KIAA1328: variants seen among roughly 807,000 people sequenced by gnomAD.
The protein encoded by KIAA1328 is protein hinderin.
KIAA1328 carries 52 observed loss-of-function variants against 68.1 expected under a neutral mutation model. The ratio of observed to expected loss-of-function variants is 0.76; its 90% CI spans 0.61 to 0.96. The LOEUF is 0.96. KIAA1328 is among the 40% of genes least tolerant of loss of function. KIAA1328 has a pLI of 0.00. For missense variants in KIAA1328, 641 were observed against 677.6 expected, an observed-to-expected ratio of 0.95 and a Z score of 0.60; for synonymous variants, 232 against 239.4, an observed-to-expected ratio of 0.97 and a Z score of 0.28.
chr18:37,020,730 T>G (rs1217970692), intron 6 of KIAA1328, among the ~76,000 whole-genome samples: 2 of 152,204 alleles, frequency 1.3e-5, no homozygotes, highest in Admixed American at 1.3e-4. Flanking sequence ...GATCACCTTT[T>G]AAAGGAATGG....
chr18:37,181,130 A>G (rs1419054750), intron 9 of KIAA1328, among the ~76,000 whole-genome samples: 1 of 152,174 alleles, frequency 6.6e-6, no homozygotes, highest in African/African-American at 2.4e-5. Flanking sequence ...CAGTTTATTC[A>G]CTATACACAA....
chr18:37,176,052 T>C (rs919468618), intron 9 of KIAA1328, among the ~76,000 whole-genome samples: 2 of 152,236 alleles, frequency 1.3e-5, no homozygotes, highest in African/African-American at 2.4e-5. Context: ...GTCAATATTA[T>C]GTAAAATTTT....
chr18:36,874,191 G>A (rs2048043120), intron 4 of KIAA1328, among the ~76,000 whole-genome samples: 1 of 152,122 alleles, frequency 6.6e-6, no homozygotes, highest in Admixed American at 6.5e-5. Flanking sequence ...ATTATCCTTT[G>A]GGTATATACC....
At chr18:37,035,082 TGATA>T (rs1435455297) in intron 6 of KIAA1328, among the ~76,000 whole-genome samples, 1 of 152,156 alleles carries the variant, frequency 6.6e-6, no homozygotes, top group Non-Finnish European at 1.5e-5. Flanking sequence ...GGATAATTGG[TGATA>T]GATATGTAGA....
At chr18:36,933,775 G>A (rs942026428) in intron 5 of KIAA1328, among the ~76,000 whole-genome samples, 1 of 152,186 alleles carries the variant, frequency 6.6e-6, no homozygotes, top group East Asian at 1.9e-4. Flanking sequence ...TTGTACACAC[G>A]CTCCTGTGGA....
chr18:37,224,979 C>G lies in KIAA1328; in HGVS notation c.*2752C>G. On this transcript the variant is annotated 3_prime_UTR_variant, in exon 10 of 10. Coordinates refer to ENST00000280020, the MANE Select transcript of KIAA1328 (RefSeq NM_020776.3). Reference sequence around the variant, plus strand: ...AAAGCTTTTGCTAACAGTCCGCTTTCCAGGAGGCAAACTTGTGTTTATCCA... The same window carrying G: ...AAAGCTTTTGCTAACAGTCCGCTTTGCAGGAGGCAAACTTGTGTTTATCCA... 1 of 985,480 alleles carries G rather than the reference C, an allele frequency of 1.0e-6. No homozygotes were observed. The highest frequency in any genetic ancestry group is 1.1e-4 in the East Asian group (1 of 8,814). The allele number at this position is 985,480 out of a possible 1,614,324, so 61.0% of individuals were successfully genotyped here.
At chr18:37,204,031 C>A (rs1452156916) in intron 9 of KIAA1328, among the ~76,000 whole-genome samples, 1 of 152,088 alleles carries the variant, frequency 6.6e-6, no homozygotes, top group African/African-American at 2.4e-5. Flanking sequence ...AGGATAGTCT[C>A]GATCTCCTGA....
At chr18:37,127,010 A>G (rs964196512) in intron 7 of KIAA1328, among the ~76,000 whole-genome samples, 1 of 152,178 alleles carries the variant, frequency 6.6e-6, no homozygotes, top group African/African-American at 2.4e-5. Flanking sequence ...GTACCCTACT[A>G]AGACTGGAAA....
intron 7 of KIAA1328, among the ~76,000 whole-genome samples, chr18:37,088,697 A>C (rs1364261897): frequency 6.6e-6 from 1 of 152,070 alleles, no homozygotes; most frequent in Non-Finnish European, 1.5e-5. Context: ...ATATACCTAT[A>C]ATCTCATCAT....
At chr18:36,860,900 C>A (rs1195789846) in intron 4 of KIAA1328, among the ~76,000 whole-genome samples, 3 of 152,044 alleles carry the variant, frequency 2.0e-5, no homozygotes, top group East Asian at 3.9e-4. Flanking sequence ...GGAAAAAAAT[C>A]TCAATAAGCT....
intron 6 of KIAA1328, among the ~76,000 whole-genome samples, chr18:36,960,537 G>C (rs1367725344): frequency 2.0e-5 from 3 of 152,198 alleles, no homozygotes; most frequent in Admixed American, 6.5e-5. Context: ...TAGCCTGACT[G>C]GGAGACACCT....
At chr18:37,210,878 C>G (rs993612939) in intron 9 of KIAA1328, among the ~76,000 whole-genome samples, 20 of 152,074 alleles carry the variant, frequency 1.3e-4, no homozygotes, top group African/African-American at 4.8e-4. Flanking sequence ...TTCCTGATAA[C>G]AAAAGTACTG....
chr18:36,896,102 A>G (rs1197756652), intron 5 of KIAA1328, among the ~76,000 whole-genome samples: 2 of 152,108 alleles, frequency 1.3e-5, no homozygotes, highest in East Asian at 1.9e-4. Context: ...TTTTTATTCT[A>G]ATTATCAGCT....
At chr18:37,143,491 C>G (rs1323468994) in intron 7 of KIAA1328, among the ~76,000 whole-genome samples, 1 of 146,036 alleles carries the variant, frequency 6.8e-6, no homozygotes, top group African/African-American at 2.6e-5. Context: ...TTTATTGATG[C>G]CTTTCCAAGC....
At chr18:36,861,388 C>T (rs1014871127) in intron 4 of KIAA1328, among the ~76,000 whole-genome samples, 8 of 152,082 alleles carry the variant, frequency 5.3e-5, no homozygotes, top group African/African-American at 1.9e-4. Context: ...TATTATTTTT[C>T]TCTGTGTAAT....
intron 7 of KIAA1328, among the ~76,000 whole-genome samples, chr18:37,110,278 AC>A (rs1476886673): frequency 2.6e-5 from 4 of 152,200 alleles, no homozygotes; most frequent in African/African-American, 9.6e-5. Flanking sequence ...CACTTATACT[AC>A]TGAAATATTT....
chr18:36,866,435 T>A lies in KIAA1328; in HGVS notation c.333-19122T>A, dbSNP rs143562046. Among the ~76,000 whole-genome samples the A allele has an allele frequency of 4.3e-3, 651 of 152,036 alleles. 8 individuals are homozygous for A. The highest frequency in any genetic ancestry group is 0.015 in the African/African-American group (627 of 41,460). On this transcript the variant is annotated intron_variant, in intron 4 of 9. Coordinates refer to ENST00000280020, the MANE Select transcript of KIAA1328 (RefSeq NM_020776.3). ...CTGCTTGTCATTATGGTCTTAGAATTGTTCAGGAGGAAAAGGAAAGTGGAA... is the reference window on the plus strand; with the variant it reads ...CTGCTTGTCATTATGGTCTTAGAATAGTTCAGGAGGAAAAGGAAAGTGGAA...
intron 7 of KIAA1328, among the ~76,000 whole-genome samples, chr18:37,078,052 G>A (rs1475032177): frequency 6.6e-6 from 1 of 152,178 alleles, no homozygotes; most frequent in Admixed American, 6.5e-5. Flanking sequence ...CAAAGCTGGA[G>A]GCATCATGCT....
intron 7 of KIAA1328, among the ~76,000 whole-genome samples, chr18:37,152,868 C>G (rs990729113): frequency 6.6e-6 from 1 of 152,140 alleles, no homozygotes; most frequent in Admixed American, 6.5e-5. Flanking sequence ...CCTGAAAAAT[C>G]GAGTTGCAGA....
Sources: allele counts gnomAD v4.1 joint callset (sites outside exome capture counted in the v4.1 genomes callset), GRCh38; gene constraint gnomAD v4.1.1; transcripts MANE v1.5; gene names NCBI Gene and HGNC (gene_info 2026-07-23, HGNC 2026-07-21).